CFHR5: variants seen among roughly 807,000 people sequenced by gnomAD.
The protein encoded by CFHR5 is complement factor H related 5.
CFHR5 carries 73 observed loss-of-function variants against 62.9 expected under a neutral mutation model. The observed-to-expected ratio is 1.16, with a 90% CI of 0.96 to 1.41. The LOEUF is 1.41. CFHR5 is among the 40% of genes most tolerant of loss of function. CFHR5 has a pLI of 0.00. For missense variants in CFHR5, 779 were observed against 679.9 expected (o/e 1.15, Z -1.62); for synonymous variants, 249 against 227.2 (o/e 1.10, Z -0.86).
chr1:197,002,436 T>A, intron 7 of CFHR5, 46 bp from the exon 8 acceptor site: 1 of 1,483,326 alleles, frequency 6.7e-7, no homozygotes, highest in Non-Finnish European at 9.3e-7. Flanking sequence ...GAGCTGTTTT[T>A]ACTTAACTTT....
intron 1 of CFHR5, among the ~76,000 whole-genome samples, chr1:196,980,987 G>T (rs1653527294): frequency 6.6e-6 from 1 of 152,090 alleles, no homozygotes; most frequent in South Asian, 2.1e-4. Context: ...CTTTCCCTCA[G>T]TATCTTCTCC....
At chr1:196,984,234 T>C (rs1653623308) in intron 3 of CFHR5, 97 bp downstream of exon 3, 1 of 1,019,046 alleles carries the variant, frequency 9.8e-7, no homozygotes, top group Non-Finnish European at 1.5e-6. Context: ...GTTTCACCAC[T>C]ACTTCTATCA....
Position 196,989,318 on chromosome 1 carries a change from C to T in CFHR5, c.431-4762C>T, listed in dbSNP as rs1653778748. Among the ~76,000 whole-genome samples, 5 of 152,072 alleles carry T rather than the reference C, an allele frequency of 3.3e-5. No individual in the cohort carries two copies. The South Asian group carries it at 1.0e-3, about 31-fold the overall frequency. On this transcript the variant is annotated intron_variant, in intron 3 of 9. Coordinates refer to ENST00000256785, the MANE Select transcript of CFHR5 (RefSeq NM_030787.4). ...TATTTTGTTAATCTTTTCAAAAAACCAGCTCCTGGATTCATTGATTTTCTG... is the reference window on the plus strand; with the variant it reads ...TATTTTGTTAATCTTTTCAAAAAACTAGCTCCTGGATTCATTGATTTTCTG...
rs190788681 is a variant in CFHR5, at chr1:197,007,453, A to G, written c.1514-1034A>G. 5.6e-4 allele frequency among the ~76,000 whole-genome samples: 85 copies of G among 152,142 alleles called. 1 individual carries two copies. Among genetic ancestry groups the G allele is most frequent in the African/African-American group, 2.0e-3 (83 of 41,518 alleles). ...ACATGAAAGAATGCTTGTCTACACG[A>G]ACATAAAATTTCAGTGAAGTGTCAA... On this transcript the variant is annotated intron_variant, in intron 9 of 9. Transcript: ENST00000256785.
intron 1 of CFHR5, among the ~76,000 whole-genome samples, chr1:196,980,628 G>GTGTGTGTGTGTGTC (rs1491195134): frequency 4.2e-5 from 6 of 142,444 alleles, no homozygotes; most frequent in African/African-American, 1.6e-4. Flanking sequence ...GTGTGTGTGT[G>GTGTGTGTGTGTGTC]TATCCCAGAA....
At chr1:196,994,286 A>G in intron 4 of CFHR5, 30 bp downstream of exon 4, 2 of 1,554,676 alleles carry the variant, frequency 1.3e-6, no homozygotes, top group East Asian at 2.2e-5. Context: ...GTGATGAAAC[A>G]AGAATTTGAT....
At chr1:197,001,274 A>G (rs1654145949) in intron 7 of CFHR5, among the ~76,000 whole-genome samples, 1 of 152,108 alleles carries the variant, frequency 6.6e-6, no homozygotes, top group Admixed American at 6.6e-5. Context: ...GATTTGCACT[A>G]TTTTGCCTTT....
Position 196,977,603 on chromosome 1 carries a change from A to G in CFHR5, c.-62A>G, listed in dbSNP as rs758768294. ...TGCTTGTAACTGTTAATGAAAGCAG[A>G]TTTAAAGCAACACCACCATCACTGG... On this transcript the variant is annotated 5_prime_UTR_variant, in exon 1 of 10. Transcript: ENST00000256785. 29 of 1,319,770 alleles carry G rather than the reference A, an allele frequency of 2.2e-5. No homozygotes were observed. The highest frequency in any genetic ancestry group is 3.0e-5 in the Non-Finnish European group (27 of 912,292). 81.8% of individuals were successfully genotyped at this position (1,319,770 alleles called of 1,614,324 possible). A position where few individuals can be genotyped will look rare whatever the true frequency, so the allele number is the denominator to read the frequency against.
rs57862148 is a variant in CFHR5, at chr1:196,979,256, CTGTGTG to C, written c.58+1560_58+1565del. Among the ~76,000 whole-genome samples, 272 of 148,480 alleles carry C rather than the reference CTGTGTG, an allele frequency of 1.8e-3. 1 individual carries two copies. The highest frequency in any genetic ancestry group is 4.3e-3 in the African/African-American group (175 of 40,374). On this transcript the variant is annotated intron_variant, in intron 1 of 9. Transcript: ENST00000256785. Reference sequence around the variant, plus strand: ...CAAGGTTTTATATATAGGTAATTGTCTGTGTGTGTGTGTGTGTGTGTGTGTGTGTGT... The same window carrying C: ...CAAGGTTTTATATATAGGTAATTGTCTGTGTGTGTGTGTGTGTGTGTGTGT...
chr1:196,977,504 C>G, upstream of CFHR5: 1 of 713,720 alleles, frequency 1.4e-6, no homozygotes, highest in Non-Finnish European at 2.6e-6. Flanking sequence ...ACACAACCCT[C>G]CATGAACTTT....
chr1:196,975,576 G>A (rs537483032), upstream of CFHR5, among the ~76,000 whole-genome samples: 3 of 152,120 alleles, frequency 2.0e-5, no homozygotes, highest in Non-Finnish European at 2.9e-5. Flanking sequence ...AAAAGGATGC[G>A]TGTGAACAGC....
At chr1:196,988,648 T>C (rs1447752437) in intron 3 of CFHR5, among the ~76,000 whole-genome samples, 4 of 152,210 alleles carry the variant, frequency 2.6e-5, no homozygotes, top group Non-Finnish European at 5.9e-5. Flanking sequence ...TGTCATTGGT[T>C]CTGTTTATGT....
intron 9 of CFHR5, 130 bp from the exon 10 acceptor site, chr1:197,008,357 T>A: frequency 2.4e-6 from 1 of 408,732 alleles, no homozygotes; most frequent in East Asian, 5.2e-5. Context: ...ATAAATATTA[T>A]TTTTTAAATA....
intron 3 of CFHR5, among the ~76,000 whole-genome samples, chr1:196,993,143 G>C (rs963741573): frequency 6.6e-6 from 1 of 152,072 alleles, no homozygotes; most frequent in African/African-American, 2.4e-5. Context: ...ATTAGTGATA[G>C]AGTTGAGTAT....
chr1:196,986,443 A>G (rs1306709911), intron 3 of CFHR5, among the ~76,000 whole-genome samples: 1 of 152,026 alleles, frequency 6.6e-6, no homozygotes, highest in Admixed American at 6.6e-5. Context: ...ATAGGTATAC[A>G]TGTGTCATAT....
At position 197,008,781 on chromosome 1, in the gene CFHR5, C is replaced by T; in HGVS notation, c.*98C>T. 9.9e-7 allele frequency: 1 copy of T among 1,012,998 alleles called. No homozygotes were observed. Among genetic ancestry groups the T allele is most frequent in the South Asian group, 1.3e-5 (1 of 74,666 alleles). The allele number at this position is 1,012,998 out of a possible 1,614,324, so 62.8% of individuals were successfully genotyped here. A position where few individuals can be genotyped will look rare whatever the true frequency, so the allele number is the denominator to read the frequency against. On this transcript the variant is annotated 3_prime_UTR_variant, in exon 10 of 10. Transcript: ENST00000256785. ...TCTGTAGTTACTTCTTTTATTCTTT[C>T]AGGTGTTGTTTAACTCAGTTTTATT...
intron 7 of CFHR5, among the ~76,000 whole-genome samples, chr1:197,001,605 G>C (rs1654156394): frequency 6.6e-6 from 1 of 151,632 alleles, no homozygotes; most frequent in African/African-American, 2.4e-5. Context: ...ACAACGTGCA[G>C]GTTTGTTACA....
At chr1:197,001,746 C>T (rs894937258) in intron 7 of CFHR5, among the ~76,000 whole-genome samples, 4 of 129,376 alleles carry the variant, frequency 3.1e-5, no homozygotes, top group Non-Finnish European at 6.3e-5. Flanking sequence ...TGTTCCCCTT[C>T]CTGTGTCCAT....
chr1:196,983,174 A>T, intron 2 of CFHR5, 95 bp downstream of exon 2: 1 of 1,546,612 alleles, frequency 6.5e-7, no homozygotes, highest in Non-Finnish European at 8.9e-7. Context: ...TCACAAGGGC[A>T]ATGACCAGAG....
Sources: allele counts gnomAD v4.1 joint callset (sites outside exome capture counted in the v4.1 genomes callset), GRCh38; gene constraint gnomAD v4.1.1; transcripts MANE v1.5; gene names NCBI Gene and HGNC (gene_info 2026-07-23, HGNC 2026-07-21).